DHX57: variants seen among roughly 807,000 people sequenced by gnomAD.
The protein encoded by DHX57 is DExH-box helicase 57.
In DHX57, 105 loss-of-function variants were observed where a neutral mutation model predicts 156.2. That is an observed-to-expected ratio of 0.67 (90% CI 0.57 to 0.79). DHX57 has a LOEUF of 0.79. DHX57 is among the 30% of genes least tolerant of loss of function. The pLI, the probability that DHX57 is intolerant of heterozygous loss-of-function variation, is 0.00. For synonymous variants in DHX57, 704 were observed against 595.6 expected, an observed-to-expected ratio of 1.18 and a Z score of -2.65; for missense variants, 1,847 against 1,661.9, an observed-to-expected ratio of 1.11 and a Z score of -1.94.
chr2:38,811,887 C>T (rs921466581), intron 21 of DHX57, among the ~76,000 whole-genome samples: 1 of 152,138 alleles, frequency 6.6e-6, no homozygotes, highest in African/African-American at 2.4e-5. Context: ...TTTGTTTCTA[C>T]ATTTTAAGTC....
chr2:38,837,928 G>C lies in DHX57; in HGVS notation c.2445C>G (p.Ile815Met), dbSNP rs765194812. 1.2e-6 allele frequency: 2 copies of C among 1,612,168 alleles called. No individual in the cohort carries two copies. The highest frequency in any genetic ancestry group is 2.2e-5 in the South Asian group (2 of 91,044). Residue 815 changes from isoleucine to methionine, a missense_variant, in exon 13 of 24, where the codon ATC (isoleucine) becomes ATG (methionine). Ile to Met is a conservative substitution (Grantham distance 10, BLOSUM62 1). Transcript: ENST00000457308. ...CAAAATCCATGATGGACATTGTTTT[G>C]ATGACTGACTTGCTAACCCCTGAAA... ...ARYKGVSKSVIKTMSIMDFEK... is the reference protein window; with the variant it reads ...ARYKGVSKSVMKTMSIMDFEK...
intron 1 of DHX57, among the ~76,000 whole-genome samples, chr2:38,873,727 A>G (rs554048269): frequency 6.6e-6 from 1 of 152,356 alleles, no homozygotes; most frequent in East Asian, 1.9e-4. Flanking sequence ...TATAACAGCA[A>G]AAAAGACAAA....
intron 6 of DHX57, 180 bp from the exon 7 acceptor site, chr2:38,856,641 C>G: frequency 2.9e-6 from 2 of 692,338 alleles, no homozygotes; most frequent in Non-Finnish European, 4.4e-6. Context: ...GTAGCTGGGA[C>G]TACAGGTGTG....
intron 9 of DHX57, among the ~76,000 whole-genome samples, chr2:38,849,403 C>T (rs1030172232): frequency 6.6e-6 from 1 of 152,150 alleles, no homozygotes; most frequent in East Asian, 1.9e-4. Flanking sequence ...ACCAATAATG[C>T]TCTTCGAATG....
chr2:38,855,828 G>A (rs1672868338), intron 7 of DHX57, among the ~76,000 whole-genome samples: 1 of 152,162 alleles, frequency 6.6e-6, no homozygotes, highest in Non-Finnish European at 1.5e-5. Flanking sequence ...TGGGTGTGGT[G>A]ACTCACACCT....
At chr2:38,804,507 AAAAT>A (rs1213167857) in intron 22 of DHX57, among the ~76,000 whole-genome samples, 1 of 152,038 alleles carries the variant, frequency 6.6e-6, no homozygotes, top group African/African-American at 2.4e-5. Context: ...AAATAAAATA[AAAAT>A]AAAAATAAAA....
At chr2:38,865,819 C>A (rs1036554283) in intron 2 of DHX57, among the ~76,000 whole-genome samples, 2 of 152,198 alleles carry the variant, frequency 1.3e-5, no homozygotes, top group African/African-American at 4.8e-5. Flanking sequence ...TCTTGAACCT[C>A]AGATTTATAT....
chr2:38,858,292 C>T (rs929309524), intron 6 of DHX57, among the ~76,000 whole-genome samples: 1 of 152,178 alleles, frequency 6.6e-6, no homozygotes, highest in Admixed American at 6.5e-5. Flanking sequence ...GAACTCCTGA[C>T]CTCAGGTGAT....
intron 13 of DHX57, among the ~76,000 whole-genome samples, chr2:38,829,049 T>C (rs568117961): frequency 1.3e-5 from 2 of 152,072 alleles, no homozygotes; most frequent in East Asian, 3.9e-4. Flanking sequence ...TCAGGTGATT[T>C]TCCTACCTTA....
At position 38,862,263 on chromosome 2, in the gene DHX57, C is replaced by T. The variant is rs767726679; in HGVS notation, c.454G>A (p.Gly152Arg). ...CCNDERYWPA[G>R]QEPSLVPDLD... ...TCGGGAACGAGGGAAGGTTCCTGTC[C>T]AGCTGGCCAGTACCGCTCATCGTTA... Residue 152 changes from glycine (G) to arginine (R), a missense_variant, in exon 4 of 24, where the codon GGA becomes AGA. Gly to Arg is a moderately radical substitution (Grantham distance 125). Coordinates refer to ENST00000457308, the MANE Select transcript of DHX57 (RefSeq NM_198963.3). 7 of 1,613,828 alleles carry T rather than the reference C, an allele frequency of 4.3e-6. No individual in the cohort carries two copies. Among genetic ancestry groups the T allele is most frequent in the Non-Finnish European group, 5.9e-6 (7 of 1,179,892 alleles).
At chr2:38,856,607 G>C in intron 6 of DHX57, 146 bp from the exon 7 acceptor site, 1 of 1,031,092 alleles carries the variant, frequency 9.7e-7, no homozygotes, top group Non-Finnish European at 1.3e-6. Flanking sequence ...AGGCTCTAGC[G>C]ATCCTCCCGC....
At chr2:38,811,600 A>C in intron 21 of DHX57, 1 of 1,373,468 alleles carries the variant, frequency 7.3e-7, no homozygotes, top group Non-Finnish European at 1.0e-6. Flanking sequence ...ACGAGGATGC[A>C]GGAGGTGTCC....
chr2:38,844,011 A>G (rs1369981580), intron 11 of DHX57, among the ~76,000 whole-genome samples: 2 of 152,198 alleles, frequency 1.3e-5, no homozygotes, highest in Admixed American at 6.6e-5. Context: ...TTCCTATAAG[A>G]TTTCATTTGC....
At chr2:38,828,019 G>A (rs1325351611) in intron 14 of DHX57, among the ~76,000 whole-genome samples, 3 of 152,068 alleles carry the variant, frequency 2.0e-5, no homozygotes, top group African/African-American at 7.2e-5. Flanking sequence ...ACCACACCCA[G>A]CTAATTTTGT....
At chr2:38,828,294 G>A in intron 14 of DHX57, 46 bp downstream of exon 14, 1 of 1,465,270 alleles carries the variant, frequency 6.8e-7, no homozygotes, top group Non-Finnish European at 9.5e-7. Context: ...TATCTTTAGA[G>A]GTAACTGCAA....
At chr2:38,842,023 A>G (rs1239319406) in intron 12 of DHX57, among the ~76,000 whole-genome samples, 2 of 152,246 alleles carry the variant, frequency 1.3e-5, no homozygotes, top group African/African-American at 4.8e-5. Context: ...AGAAATAGCA[A>G]TTACCAAGGG....
Position 38,802,927 on chromosome 2 carries a change from A to T in DHX57, c.3817-12T>A, listed in dbSNP as rs1168067530. ...TCAAAGTGTCTCACCTGTAACAAAA[A>T]ACCTCAGATGATGACAGTGATGTCA... On this transcript the variant is annotated splice_polypyrimidine_tract_variant and intron_variant, in intron 22 of 23. Transcript: ENST00000457308. 3 of 1,613,874 alleles carry T rather than the reference A, an allele frequency of 1.9e-6. No individual in the cohort carries two copies. The highest frequency in any genetic ancestry group is 1.6e-4 in the Middle Eastern group (1 of 6,084).
chr2:38,813,194 A>G (rs1404258102), intron 21 of DHX57, among the ~76,000 whole-genome samples: 1 of 151,830 alleles, frequency 6.6e-6, no homozygotes, highest in African/African-American at 2.4e-5. Context: ...CTGTAGTTGA[A>G]TCAAGTTTCC....
In DHX57 at chr2:38,861,022, A is replaced by G; in HGVS notation, c.1388T>C (p.Phe463Ser). 2 of 1,613,600 alleles carry G rather than the reference A, an allele frequency of 1.2e-6. No homozygotes were observed. Among genetic ancestry groups the G allele is most frequent in the Admixed American group, 1.7e-5 (1 of 59,890 alleles). The change falls in exon 5 of 24, where the codon TTT becomes TCT. Residue 463 changes from phenylalanine to serine, a missense_variant. By Grantham distance (155) the Phe-to-Ser change is radical. Transcript: ENST00000457308. ...CHKTVIPNNS[F>S]VSNQIPEVEK... ...ACCTTCTGGAATTTGATTAGAAACA[A>G]AAGAATTATTTGGAATCACTGTTTT...
Sources: gnomAD v4.1 joint callset for allele counts (sites outside exome capture counted in the v4.1 genomes callset) on GRCh38, gnomAD v4.1.1 for gene constraint, MANE v1.5 for transcripts, NCBI Gene and HGNC (gene_info 2026-07-23, HGNC 2026-07-21) for gene names.